ANKRD17: variants seen among roughly 807,000 people sequenced by gnomAD.
ANKRD17 encodes ankyrin repeat domain-containing protein 17.
A neutral mutation model predicts 229.7 loss-of-function variants in ANKRD17; 19 were observed. The ratio of observed to expected loss-of-function variants is 0.08; its 90% CI spans 0.06 to 0.12. The LOEUF (loss-of-function observed/expected upper bound fraction) is 0.12, where lower values mean the gene tolerates loss of function less well. Ranked by LOEUF, ANKRD17 falls within the 10% of genes least tolerant of loss-of-function variation. The pLI, the probability that ANKRD17 is intolerant of heterozygous loss-of-function variation, is 1.00. For missense variants in ANKRD17, 2,176 were observed against 3,176.8 expected, an observed-to-expected ratio of 0.68 and a Z score of 7.57; for synonymous variants, 1,112 against 1,146.1, an observed-to-expected ratio of 0.97 and a Z score of 0.60.
intron 1 of ANKRD17, among the ~76,000 whole-genome samples, chr4:73,187,303 A>T (rs1039292684): frequency 2.0e-5 from 3 of 152,242 alleles, no homozygotes; most frequent in African/African-American, 7.2e-5. Context: ...AGAAAGGGGC[A>T]GCCTTGGAAT....
intron 6 of ANKRD17, 74 bp downstream of exon 6, chr4:73,153,806 G>A (rs115968974): frequency 1.8e-5 from 19 of 1,064,270 alleles, no homozygotes; most frequent in Admixed American, 6.0e-5. Flanking sequence ...TTTTAACTTA[G>A]AAACAAGATT....
chr4:73,111,636 C>T (rs1725331662), intron 24 of ANKRD17, among the ~76,000 whole-genome samples: 1 of 152,046 alleles, frequency 6.6e-6, no homozygotes, highest in African/African-American at 2.4e-5. Context: ...GTGTTTATTA[C>T]AATATTATTT....
chr4:73,082,023 A>G (rs1282244113), intron 30 of ANKRD17, among the ~76,000 whole-genome samples: 1 of 152,042 alleles, frequency 6.6e-6, no homozygotes, highest in Non-Finnish European at 1.5e-5. Context: ...GGTGGTGCAC[A>G]CCTGTAGTCC....
At chr4:73,244,420 T>C (rs1744307684) in intron 1 of ANKRD17, among the ~76,000 whole-genome samples, 1 of 152,164 alleles carries the variant, frequency 6.6e-6, no homozygotes, top group African/African-American at 2.4e-5. Flanking sequence ...CTCTCCAATA[T>C]GGTAGCCACT....
At chr4:73,173,595 C>T (rs147086389) in intron 2 of ANKRD17, among the ~76,000 whole-genome samples, 7 of 152,272 alleles carry the variant, frequency 4.6e-5, no homozygotes, top group Admixed American at 1.3e-4. Flanking sequence ...AGTGACACAT[C>T]GCTGCAAATT....
chr4:73,257,787 C>T (rs1173074122), intron 1 of ANKRD17, among the ~76,000 whole-genome samples: 1 of 152,104 alleles, frequency 6.6e-6, no homozygotes, highest in Non-Finnish European at 1.5e-5. Flanking sequence ...GCTCTGAGTC[C>T]ATTACAACCT....
At chr4:73,179,519 T>TATA (rs1491097354) in intron 1 of ANKRD17, among the ~76,000 whole-genome samples, 33 of 35,936 alleles carry the variant, frequency 9.2e-4, no homozygotes, top group South Asian at 2.6e-3. Context: ...TATATATATA[T>TATA]TTTTTTTTTT....
Position 73,120,875 on chromosome 4 carries a change from T to C in ANKRD17, c.3849+6A>G. 1 of 1,607,792 alleles carries C rather than the reference T, an allele frequency of 6.2e-7. No homozygotes were observed. The highest frequency in any genetic ancestry group is 1.7e-4 in the Middle Eastern group (1 of 6,044). ...ATTCATGTGTAAATCTCAGACTTTT[T>C]CTTACCTTAGCTCTGTGTTCAACAT... On this transcript the variant is annotated splice_donor_region_variant and intron_variant, in intron 20 of 33. Transcript: ENST00000358602.
At chr4:73,094,753 A>G (rs1403471492) in intron 27 of ANKRD17, among the ~76,000 whole-genome samples, 2 of 151,148 alleles carry the variant, frequency 1.3e-5, no homozygotes, top group African/African-American at 4.9e-5. Flanking sequence ...GTGTGTGTGT[A>G]TATATACTGG....
intron 1 of ANKRD17, among the ~76,000 whole-genome samples, chr4:73,190,003 T>C (rs1367766271): frequency 6.6e-6 from 1 of 152,186 alleles, no homozygotes; most frequent in African/African-American, 2.4e-5. Flanking sequence ...TCAACAAAAG[T>C]ACGTGATTAA....
chr4:73,171,486 C>T (rs1224576580), intron 2 of ANKRD17, among the ~76,000 whole-genome samples: 1 of 152,110 alleles, frequency 6.6e-6, no homozygotes, highest in Non-Finnish European at 1.5e-5. Flanking sequence ...ATAATAAATA[C>T]CTAATTCTTC....
At chr4:73,082,508 A>T (rs1721679160) in intron 30 of ANKRD17, among the ~76,000 whole-genome samples, 1 of 152,136 alleles carries the variant, frequency 6.6e-6, no homozygotes, top group Non-Finnish European at 1.5e-5. Flanking sequence ...AAAGGAGAGG[A>T]GAGAGGAGAG....
At chr4:73,153,187 C>CT (rs762637358) in intron 6 of ANKRD17, among the ~76,000 whole-genome samples, 1 of 152,002 alleles carries the variant, frequency 6.6e-6, no homozygotes, top group Non-Finnish European at 1.5e-5. Context: ...TTTGCAAAAG[C>CT]TTTTTCTTGA....
chr4:73,208,079 C>A (rs1201620314), intron 1 of ANKRD17, among the ~76,000 whole-genome samples: 1 of 151,258 alleles, frequency 6.6e-6, no homozygotes, highest in Non-Finnish European at 1.5e-5. Context: ...GTCCCAGCTA[C>A]TCCGGAGGCT....
At chr4:73,142,806 T>C in intron 11 of ANKRD17, 39 bp from the exon 12 acceptor site, 4 of 1,569,024 alleles carry the variant, frequency 2.5e-6, no homozygotes, top group Non-Finnish European at 3.4e-6. Flanking sequence ...ATTAGTAGAA[T>C]GGTTTTTCTT....
At chr4:73,253,293 T>C (rs1251108446) in intron 1 of ANKRD17, among the ~76,000 whole-genome samples, 79 of 152,250 alleles carry the variant, frequency 5.2e-4, no homozygotes, top group Non-Finnish European at 4.4e-4. Flanking sequence ...TATTCATTGG[T>C]GTATTTTTAA....
Position 73,140,104 on chromosome 4 carries a change from C to A in ANKRD17, c.2512G>T (p.Ala838Ser). ...KNAQLQSLEL[A>S]HADQLTKEKI... ...TCCTTGGTAAGTTGGTCAGCATGAG[C>A]CAGTTCCAAGGACTGCAGCTGTGCA... The change falls in exon 15 of 34, where the codon GCT (alanine) becomes TCT (serine). Residue 838 changes from alanine to serine, a missense_variant. Coordinates refer to ENST00000358602, the MANE Select transcript of ANKRD17 (RefSeq NM_032217.5). 1 of 1,614,158 alleles carries A rather than the reference C, an allele frequency of 6.2e-7. No individual in the cohort carries two copies. Among genetic ancestry groups the A allele is most frequent in the Non-Finnish European group, 8.5e-7 (1 of 1,180,024 alleles).
In ANKRD17 at chr4:73,091,364, T is replaced by C; in HGVS notation, c.6264A>G (p.Thr2088=). 6.2e-7 allele frequency: 1 copy of C among 1,614,144 alleles called. No individual in the cohort carries two copies. The highest frequency in any genetic ancestry group is 8.5e-7 in the Non-Finnish European group (1 of 1,180,046). Residue 2088 remains threonine, a synonymous_variant, in exon 29 of 34, where the codon ACA becomes ACG. Transcript: ENST00000358602. ...TGCTGCTGTTTGGAGGTCTAGTGTT[T>C]GTTGTTTCTACTACTGGTGGACTAC... ...EAGSPPVVET[T]NTRPPNSSSS... is the part of the protein sequence containing the mutation.
intron 24 of ANKRD17, among the ~76,000 whole-genome samples, chr4:73,103,650 AAT>A (rs1411053855): frequency 2.6e-5 from 4 of 152,182 alleles, no homozygotes; most frequent in African/African-American, 7.2e-5. Context: ...GTGTATTTTA[AAT>A]ATGTGTCAAA....
Sources: gnomAD v4.1 joint callset for allele counts (sites outside exome capture counted in the v4.1 genomes callset) on GRCh38, gnomAD v4.1.1 for gene constraint, MANE v1.5 for transcripts, NCBI Gene and HGNC (gene_info 2026-07-23, HGNC 2026-07-21) for gene names.